The following PARD3B variants were observed in gnomAD, a reference collection of about 807,000 sequenced individuals.
PARD3B encodes the protein partitioning defective 3 homolog B.
A neutral mutation model predicts 130.2 loss-of-function variants in PARD3B; 103 were observed. That is an observed-to-expected ratio of 0.79 (90% CI 0.67 to 0.93). The LOEUF is 0.93. PARD3B is among the 40% of genes least tolerant of loss of function. PARD3B has a pLI of 0.00. For synonymous variants in PARD3B, 583 were observed against 553.2 expected (o/e 1.05, Z -0.76); for missense variants, 1,609 against 1,499.2 (o/e 1.07, Z -1.21).
At chr2:205,426,700 A>G (rs973843886) in intron 19 of PARD3B, among the ~76,000 whole-genome samples, 5 of 152,200 alleles carry the variant, frequency 3.3e-5, no homozygotes, top group Admixed American at 6.5e-5. Flanking sequence ...GAGCTATGCT[A>G]TTGTGGACAC....
chr2:205,131,874 C>T (rs907855776), intron 10 of PARD3B, among the ~76,000 whole-genome samples: 6 of 152,108 alleles, frequency 3.9e-5, no homozygotes, highest in Non-Finnish European at 5.9e-5. Flanking sequence ...CTATTAAGAG[C>T]TTATTGTAAT....
chr2:204,681,851 G>A (rs780676934), intron 1 of PARD3B, among the ~76,000 whole-genome samples: 6 of 152,142 alleles, frequency 3.9e-5, no homozygotes, highest in Non-Finnish European at 7.4e-5. Flanking sequence ...AGTGTTATGT[G>A]CAAGTACATT....
intron 10 of PARD3B, among the ~76,000 whole-genome samples, chr2:205,144,393 C>T (rs1417421305): frequency 6.6e-6 from 1 of 152,178 alleles, no homozygotes; most frequent in African/African-American, 2.4e-5. Flanking sequence ...ATTTGTTATG[C>T]AGCATTTGTG....
intron 22 of PARD3B, among the ~76,000 whole-genome samples, chr2:205,596,888 A>G (rs1032395525): frequency 2.0e-5 from 3 of 152,146 alleles, no homozygotes; most frequent in Non-Finnish European, 4.4e-5. Flanking sequence ...GGAAGCTGAC[A>G]TGGAGATGAG....
At chr2:205,169,102 T>A (rs1249276019) in intron 11 of PARD3B, among the ~76,000 whole-genome samples, 3 of 152,338 alleles carry the variant, frequency 2.0e-5, no homozygotes. Context: ...TCAGTGATTA[T>A]ATTCTAAATG....
chr2:205,385,407 G>A (rs904422948), intron 18 of PARD3B, among the ~76,000 whole-genome samples: 3 of 152,070 alleles, frequency 2.0e-5, no homozygotes, highest in Non-Finnish European at 4.4e-5. Flanking sequence ...TTAAACTTTG[G>A]TACACAGTCT....
rs1168867583 is a variant in PARD3B, at chr2:205,397,478, G to A, written c.2631-3535G>A. 6.6e-6 allele frequency among the ~76,000 whole-genome samples: 1 copy of A among 152,082 alleles called. No individual in the cohort carries two copies. Among genetic ancestry groups the A allele is most frequent in the Non-Finnish European group, 1.5e-5 (1 of 68,018 alleles). ...TGTGAGGGAAGGATAATGAGCTATTGCTGAACTGCAGTACAAGTCAAACAT... is the reference window on the plus strand; with the variant it reads ...TGTGAGGGAAGGATAATGAGCTATTACTGAACTGCAGTACAAGTCAAACAT... On this transcript the variant is annotated intron_variant, in intron 18 of 22. Coordinates refer to ENST00000406610, the MANE Select transcript of PARD3B (RefSeq NM_001302769.2). The surrounding 1 kb of genome is among the most constrained non-coding windows in gnomAD (Gnocchi z 4.8).
chr2:205,119,458 C>T (rs1046797171), intron 7 of PARD3B, among the ~76,000 whole-genome samples: 6 of 151,854 alleles, frequency 4.0e-5, no homozygotes, highest in Admixed American at 1.3e-4. Flanking sequence ...GAGGACTCAC[C>T]GAATCATAGA....
chr2:205,118,977 G>C lies in PARD3B; in HGVS notation c.737G>C (p.Gly246Ala). 2 of 1,612,314 alleles carry C rather than the reference G, an allele frequency of 1.2e-6. No individual in the cohort carries two copies. Among genetic ancestry groups the C allele is most frequent in the Non-Finnish European group, 1.7e-6 (2 of 1,179,292 alleles). Residue 246 changes from glycine (G) to alanine (A), a missense_variant, in exon 7 of 23, where the codon GGA becomes GCA. Physicochemically the swap from Gly to Ala is moderately conservative, Grantham distance 60. Transcript: ENST00000406610. ...IEDNSRSKRE[G>A]LFHENECIVK... ...GACAACAGCAGGTCCAAGCGGGAGG[G>C]ACTATTTCACGAAAATGAATGTATT...
At chr2:205,245,425 T>C (rs533104747) in intron 15 of PARD3B, among the ~76,000 whole-genome samples, 32 of 152,302 alleles carry the variant, frequency 2.1e-4, no homozygotes, top group Non-Finnish European at 3.7e-4. Flanking sequence ...ATTGCTGTTA[T>C]GCTGAAAGAA....
At chr2:205,212,613 T>G (rs898077677) in intron 15 of PARD3B, among the ~76,000 whole-genome samples, 1 of 151,998 alleles carries the variant, frequency 6.6e-6, no homozygotes, top group African/African-American at 2.4e-5. Context: ...ACTAAGCAAG[T>G]AGGAATTAAC....
intron 4 of PARD3B, among the ~76,000 whole-genome samples, chr2:205,086,072 T>C (rs1049021165): frequency 7.9e-5 from 12 of 152,340 alleles, no homozygotes; most frequent in African/African-American, 2.9e-4. Flanking sequence ...TACTGCTTTA[T>C]TAGTTGCATA....
At chr2:205,119,354 A>G (rs1261311931) in intron 7 of PARD3B, among the ~76,000 whole-genome samples, 3 of 151,458 alleles carry the variant, frequency 2.0e-5, no homozygotes, top group African/African-American at 7.3e-5. Flanking sequence ...CTGGTATTTA[A>G]CGGCTCTTTT....
chr2:205,475,000 A>G (rs2048976538), intron 20 of PARD3B, among the ~76,000 whole-genome samples: 1 of 152,064 alleles, frequency 6.6e-6, no homozygotes, highest in Non-Finnish European at 1.5e-5. Context: ...TTTTGAATCA[A>G]CTTCTGTTTC....
intron 18 of PARD3B, among the ~76,000 whole-genome samples, chr2:205,360,551 T>C (rs866909321): frequency 6.6e-6 from 1 of 152,364 alleles, no homozygotes; most frequent in South Asian, 2.1e-4. Flanking sequence ...TAGAAGGGTA[T>C]AGAAAGCCAG....
intron 2 of PARD3B, among the ~76,000 whole-genome samples, chr2:204,875,489 C>A (rs1215576980): frequency 6.6e-6 from 1 of 152,056 alleles, no homozygotes; most frequent in East Asian, 1.9e-4. Context: ...AATGCAGATT[C>A]TGATTAGGTG....
At position 205,351,547 on chromosome 2, in the gene PARD3B, T is replaced by A. The variant is rs779237318; in HGVS notation, c.2631-49466T>A. ...GAGGAAGAAAGCCACAGCCAAGACT[T>A]GGGAGATTTCAGGAAATAAGAATCC... On this transcript the variant is annotated intron_variant, in intron 18 of 22. Transcript: ENST00000406610. This position sits in a 1 kb window ranked among gnomAD's most constrained non-coding sequence, Gnocchi z 4.2. 3.9e-5 allele frequency among the ~76,000 whole-genome samples: 6 copies of A among 152,018 alleles called. No individual in the cohort carries two copies. The highest frequency in any genetic ancestry group is 8.8e-5 in the Non-Finnish European group (6 of 68,000).
chr2:205,596,431 T>C (rs2106613626), intron 22 of PARD3B, among the ~76,000 whole-genome samples: 1 of 152,314 alleles, frequency 6.6e-6, no homozygotes, highest in East Asian at 1.9e-4. Flanking sequence ...TGAGCTGGAT[T>C]CTGGATGGGA....
At chr2:205,136,753 C>T (rs2032519429) in intron 10 of PARD3B, among the ~76,000 whole-genome samples, 1 of 152,208 alleles carries the variant, frequency 6.6e-6, no homozygotes, top group Non-Finnish European at 1.5e-5. Context: ...GATTTACTTT[C>T]ACTCCATCTC....
Sources: allele counts gnomAD v4.1 joint callset (sites outside exome capture counted in the v4.1 genomes callset), GRCh38; gene constraint gnomAD v4.1.1; non-coding constraint Gnocchi (gnomAD v3.1); transcripts MANE v1.5; gene names NCBI Gene and HGNC (gene_info 2026-07-23, HGNC 2026-07-21).